MPP7: variants seen among roughly 807,000 people sequenced by gnomAD.
MPP7 encodes MAGUK p55 scaffold protein 7.
Under a neutral mutation model 76.5 loss-of-function variants are expected in MPP7, and 60 were observed. The observed-to-expected ratio is 0.78, with a 90% CI of 0.64 to 0.97. The LOEUF is 0.97. MPP7 is among the 50% of genes least tolerant of loss of function. The probability of loss-of-function intolerance (pLI) is 0.00; values close to 1 mark genes in which losing one functional copy is unlikely to be tolerated. For missense variants in MPP7, 641 were observed against 694.0 expected (o/e 0.92, Z 0.86); for synonymous variants, 237 against 244.5 (o/e 0.97, Z 0.29).
intron 6 of MPP7, among the ~76,000 whole-genome samples, chr10:28,126,479 T>C (rs983810493): frequency 2.0e-5 from 3 of 152,330 alleles, no homozygotes; most frequent in South Asian, 4.1e-4. Context: ...AAACTGAATA[T>C]TAAATGGTCG....
chr10:28,151,643 T>C (rs1835887223), intron 3 of MPP7, among the ~76,000 whole-genome samples: 1 of 152,112 alleles, frequency 6.6e-6, no homozygotes, highest in Non-Finnish European at 1.5e-5. Context: ...CTTTAATGAG[T>C]TTAAAATTTG....
chr10:28,095,186 C>A (rs7068015), intron 11 of MPP7, among the ~76,000 whole-genome samples: 11,818 of 77,262 alleles, frequency 0.15, 973 homozygotes, highest in African/African-American at 0.31. Context: ...TATACATACA[C>A]ACATATGCAT....
intron 3 of MPP7, among the ~76,000 whole-genome samples, chr10:28,188,511 A>G (rs73608062): frequency 0.023 from 3,542 of 152,258 alleles, 141 homozygotes; most frequent in African/African-American, 0.081. Flanking sequence ...TTGTAGGGGA[A>G]AAGAAAAAAG....
intron 1 of MPP7, among the ~76,000 whole-genome samples, chr10:28,251,710 G>A (rs1238446939): frequency 1.3e-5 from 2 of 151,972 alleles, no homozygotes; most frequent in African/African-American, 4.8e-5. Context: ...CAGGTATTCC[G>A]ACTTCAATAC....
intron 3 of MPP7, among the ~76,000 whole-genome samples, chr10:28,160,113 GAAAA>G (rs59503220): frequency 7.0e-6 from 1 of 142,738 alleles, no homozygotes. Flanking sequence ...TTGATCATTA[GAAAA>G]AAAAAAAAAA....
chr10:28,276,692 G>A (rs1840508957), intron 1 of MPP7, among the ~76,000 whole-genome samples: 2 of 152,022 alleles, frequency 1.3e-5, no homozygotes, highest in South Asian at 4.1e-4. Flanking sequence ...TTGATATGAA[G>A]GGAGAAGAAT....
At chr10:28,110,960 A>G (rs1420295973) in intron 11 of MPP7, among the ~76,000 whole-genome samples, 1 of 152,210 alleles carries the variant, frequency 6.6e-6, no homozygotes. Flanking sequence ...AAGTGCAACC[A>G]CAATTTTTGG....
In MPP7 at chr10:28,120,376, G is replaced by T. The variant is rs866240214; in HGVS notation, c.705C>A (p.Ala235=). ...PSKEGKMFIK[A]LFDYNPNEDK... ...CCTCATTAGGATTATAGTCAAAGAGGGCTTTGATAAACATCTGGAAGAAAA... is the reference window on the plus strand; with the variant it reads ...CCTCATTAGGATTATAGTCAAAGAGTGCTTTGATAAACATCTGGAAGAAAA... Residue 235 remains alanine (A), a synonymous_variant, in exon 10 of 17, where the codon GCC becomes GCA. Transcript: ENST00000683449. 2 of 1,606,122 alleles carry T rather than the reference G, an allele frequency of 1.2e-6. No homozygotes were observed. The highest frequency in any genetic ancestry group is 1.7e-4 in the Middle Eastern group (1 of 6,014).
intron 11 of MPP7, among the ~76,000 whole-genome samples, chr10:28,109,612 A>AC (rs1366962962): frequency 3.3e-5 from 5 of 151,854 alleles, no homozygotes; most frequent in African/African-American, 1.2e-4. Flanking sequence ...GGTGCATGCC[A>AC]CCCCCACCGA....
intron 1 of MPP7, among the ~76,000 whole-genome samples, chr10:28,267,968 C>T (rs1215672757): frequency 6.6e-6 from 1 of 151,880 alleles, no homozygotes; most frequent in Non-Finnish European, 1.5e-5. Context: ...CGTGGGAAGT[C>T]GAGGCTGCAG....
In MPP7 at chr10:28,089,836, A is replaced by G; in HGVS notation, c.958T>C (p.Phe320Leu). 2 of 1,436,598 alleles carry G rather than the reference A, an allele frequency of 1.4e-6. No homozygotes were observed. The highest frequency in any genetic ancestry group is 9.6e-7 in the Non-Finnish European group (1 of 1,036,748). 89.0% of individuals were successfully genotyped at this position (1,436,598 alleles called of 1,614,324 possible). ...CTACTAAGACGAAAACTTTTTCTAA[A>G]ACCAGCTGCAAATATTAAAATAAAT... Reference protein sequence around the residue: ...LKVSNRKSSGFRKSFRLSRKD... With the variant: ...LKVSNRKSSGLRKSFRLSRKD... Residue 320 changes from phenylalanine to leucine, a missense_variant, in exon 12 of 17, where the codon TTT becomes CTT. Coordinates refer to ENST00000683449, the MANE Select transcript of MPP7 (RefSeq NM_001318170.2).
At chr10:28,068,102 C>T (rs1852065356) in intron 13 of MPP7, among the ~76,000 whole-genome samples, 1 of 151,812 alleles carries the variant, frequency 6.6e-6, no homozygotes, top group Admixed American at 6.6e-5. Context: ...TAGGTCTCTT[C>T]TATAATTGCT....
intron 3 of MPP7, among the ~76,000 whole-genome samples, chr10:28,197,731 T>C (rs1382290005): frequency 6.6e-6 from 1 of 152,172 alleles, no homozygotes; most frequent in East Asian, 1.9e-4. Context: ...GTGGTCCATA[T>C]AGTAACTGGC....
intron 3 of MPP7, among the ~76,000 whole-genome samples, chr10:28,170,748 T>C (rs1836652608): frequency 6.6e-6 from 1 of 152,134 alleles, no homozygotes; most frequent in South Asian, 2.1e-4. Flanking sequence ...TTTCCACAAT[T>C]AGATTTTTAG....
At chr10:28,321,253 A>G (rs1322417580) in intron 2 of MPP7, among the ~76,000 whole-genome samples, 1 of 152,254 alleles carries the variant, frequency 6.6e-6, no homozygotes, top group East Asian at 1.9e-4. Context: ...AATTTTAGAT[A>G]TGAAAATAGA....
chr10:28,179,439 A>G (rs1443664159), intron 3 of MPP7, among the ~76,000 whole-genome samples: 1 of 152,176 alleles, frequency 6.6e-6, no homozygotes, highest in Non-Finnish European at 1.5e-5. Flanking sequence ...ATCTAACACA[A>G]TCTATAATAA....
intron 1 of MPP7, among the ~76,000 whole-genome samples, chr10:28,283,151 A>C (rs909912029): frequency 6.6e-6 from 1 of 151,980 alleles, no homozygotes; most frequent in South Asian, 2.1e-4. Context: ...GCTTATCCAA[A>C]TTATGTGAAG....
In MPP7 at chr10:28,180,687, C is replaced by T. The variant is rs1182772737; in HGVS notation, c.156+21466G>A. ...ACGAAAGTTTATATTCCCCCAGACA[C>T]TCTCTGTCTACTGCATTTCCTCTGT... On this transcript the variant is annotated intron_variant, in intron 3 of 16. Coordinates refer to ENST00000683449, the MANE Select transcript of MPP7 (RefSeq NM_001318170.2). Among the ~76,000 whole-genome samples, 4 of 152,352 alleles carry T rather than the reference C, an allele frequency of 2.6e-5. No homozygotes were observed. The East Asian group carries it at 7.7e-4, about 29-fold the overall frequency.
At chr10:28,104,777 T>C (rs963896138) in intron 11 of MPP7, among the ~76,000 whole-genome samples, 6 of 152,088 alleles carry the variant, frequency 3.9e-5, no homozygotes, top group African/African-American at 1.4e-4. Context: ...ACCGTATGAC[T>C]CTCTTCTCAG....
Sources: gnomAD v4.1 joint callset for allele counts (sites outside exome capture counted in the v4.1 genomes callset) on GRCh38, gnomAD v4.1.1 for gene constraint, MANE v1.5 for transcripts, NCBI Gene and HGNC (gene_info 2026-07-23, HGNC 2026-07-21) for gene names.